NEK1: variants seen among roughly 807,000 people sequenced by gnomAD.
NEK1 encodes serine/threonine-protein kinase Nek1.
NEK1 carries 137 observed loss-of-function variants against 182.1 expected under a neutral mutation model. The ratio of observed to expected loss-of-function variants is 0.75; its 90% CI spans 0.65 to 0.87. NEK1 has a LOEUF of 0.87. Among genes scored for constraint, NEK1 ranks in the 40% least tolerant of loss-of-function variants. NEK1 has a pLI of 0.00. For missense variants in NEK1, 1,391 were observed against 1,494.4 expected, an observed-to-expected ratio of 0.93 and a Z score of 1.14; for synonymous variants, 513 against 492.2, an observed-to-expected ratio of 1.04 and a Z score of -0.56.
intron 19 of NEK1, among the ~76,000 whole-genome samples, chr4:169,515,208 A>G (rs915269841): frequency 6.6e-6 from 1 of 152,154 alleles, no homozygotes; most frequent in South Asian, 2.1e-4. Context: ...ATAATTCAGT[A>G]TATTATCTTG....
intron 26 of NEK1, among the ~76,000 whole-genome samples, chr4:169,473,243 C>T (rs1282908350): frequency 7.8e-6 from 1 of 127,920 alleles, no homozygotes; most frequent in Non-Finnish European, 1.6e-5. Flanking sequence ...TCCAGCCTGT[C>T]TTGAAAAAAA....
At chr4:169,556,710 G>GT (rs943121835) in intron 16 of NEK1, among the ~76,000 whole-genome samples, 1 of 147,194 alleles carries the variant, frequency 6.8e-6, no homozygotes, top group South Asian at 2.2e-4. Context: ...TTCCAAAGTA[G>GT]TAAGTGCTGA....
chr4:169,462,808 TG>T (rs1463079050), intron 27 of NEK1, among the ~76,000 whole-genome samples: 1 of 152,174 alleles, frequency 6.6e-6, no homozygotes, highest in Non-Finnish European at 1.5e-5. Flanking sequence ...ACAAAACTTA[TG>T]GATCAGGAAT....
chr4:169,450,320 TACAGAGA>T (rs1160173981), intron 27 of NEK1, among the ~76,000 whole-genome samples: 4 of 152,022 alleles, frequency 2.6e-5, no homozygotes, highest in Non-Finnish European at 5.9e-5. Flanking sequence ...ATTCAGGAAA[TACAGAGA>T]ACACCACAAA....
At chr4:169,460,003 A>G (rs1743657805) in intron 27 of NEK1, among the ~76,000 whole-genome samples, 1 of 152,162 alleles carries the variant, frequency 6.6e-6, no homozygotes. Flanking sequence ...CCAAGAGTAA[A>G]TTTTAATGTA....
At chr4:169,551,385 A>G (rs1761404573) in intron 18 of NEK1, among the ~76,000 whole-genome samples, 2 of 152,222 alleles carry the variant, frequency 1.3e-5, no homozygotes, top group Admixed American at 1.3e-4. Flanking sequence ...TTACAAGATT[A>G]TATTTCAAGG....
chr4:169,499,942 T>C (rs1310135295), intron 23 of NEK1, among the ~76,000 whole-genome samples: 2 of 152,206 alleles, frequency 1.3e-5, no homozygotes, highest in African/African-American at 2.4e-5. Flanking sequence ...GACAGGGACA[T>C]TTAAGTCTGC....
intron 26 of NEK1, among the ~76,000 whole-genome samples, chr4:169,466,399 A>G (rs1057106340): frequency 6.6e-6 from 1 of 152,168 alleles, no homozygotes; most frequent in Admixed American, 6.5e-5. Context: ...GCTACAGGGA[A>G]AAATCTGAAA....
chr4:169,450,344 C>T (rs895461087), intron 27 of NEK1, among the ~76,000 whole-genome samples: 6 of 152,118 alleles, frequency 3.9e-5, no homozygotes, highest in Non-Finnish European at 7.3e-5. Context: ...CAAAGATACT[C>T]CTCTAGAAGA....
At chr4:169,600,446 C>G (rs1176120160) in intron 4 of NEK1, among the ~76,000 whole-genome samples, 3 of 152,150 alleles carry the variant, frequency 2.0e-5, no homozygotes, top group Non-Finnish European at 4.4e-5. Context: ...ATCCTCCCAC[C>G]TCAGCCTCCC....
chr4:169,482,208 G>A (rs188589779), intron 23 of NEK1, among the ~76,000 whole-genome samples: 10 of 152,200 alleles, frequency 6.6e-5, no homozygotes, highest in African/African-American at 2.4e-4. Flanking sequence ...TGGCCAAAGA[G>A]AATGTTGCGG....
chr4:169,402,336 C>A (rs1731831634), intron 32 of NEK1, among the ~76,000 whole-genome samples: 1 of 152,082 alleles, frequency 6.6e-6, no homozygotes, highest in Non-Finnish European at 1.5e-5. Flanking sequence ...ATATACATGC[C>A]CATTGGGCAT....
chr4:169,492,858 T>C (rs369125889), intron 23 of NEK1, among the ~76,000 whole-genome samples: 17 of 152,106 alleles, frequency 1.1e-4, no homozygotes, highest in South Asian at 4.1e-4. Context: ...AAGCCACCAA[T>C]GGGAAACAGG....
At chr4:169,572,728 A>T (rs1325214940) in intron 12 of NEK1, among the ~76,000 whole-genome samples, 1 of 152,134 alleles carries the variant, frequency 6.6e-6, no homozygotes, top group Non-Finnish European at 1.5e-5. Context: ...AATACCAGGG[A>T]CTCAAATGAA....
At chr4:169,532,803 T>C (rs927975298) in intron 19 of NEK1, among the ~76,000 whole-genome samples, 3 of 149,536 alleles carry the variant, frequency 2.0e-5, no homozygotes, top group African/African-American at 7.4e-5. Flanking sequence ...AAAAAAAAAA[T>C]TAGCCGGGCA....
chr4:169,585,637 C>T, intron 9 of NEK1, 88 bp from the exon 10 acceptor site: 1 of 823,512 alleles, frequency 1.2e-6, no homozygotes, highest in Non-Finnish European at 1.9e-6. Flanking sequence ...CTTTTCCTAC[C>T]AATATAGAAT....
chr4:169,483,791 G>A (rs895384133), intron 23 of NEK1, among the ~76,000 whole-genome samples: 4 of 149,478 alleles, frequency 2.7e-5, no homozygotes, highest in African/African-American at 7.4e-5. Context: ...ACTTGAACCC[G>A]TGAGGCAGAG....
chr4:169,413,307 A>G (rs1733982146), intron 31 of NEK1, among the ~76,000 whole-genome samples: 1 of 151,976 alleles, frequency 6.6e-6, no homozygotes, highest in African/African-American at 2.4e-5. Context: ...AGCTGGGACT[A>G]GAGGTGGGTG....
intron 18 of NEK1, among the ~76,000 whole-genome samples, chr4:169,543,661 T>C (rs1476510525): frequency 6.6e-6 from 1 of 152,230 alleles, no homozygotes; most frequent in Non-Finnish European, 1.5e-5. Flanking sequence ...TCTTATTTCC[T>C]TGAGCAGTAG....
Sources: allele counts gnomAD v4.1 joint callset (sites outside exome capture counted in the v4.1 genomes callset), GRCh38; gene constraint gnomAD v4.1.1; transcripts MANE v1.5; gene names NCBI Gene and HGNC (gene_info 2026-07-23, HGNC 2026-07-21).